Variants in SGCD observed in about 807,000 individuals in gnomAD.
SGCD encodes the protein sarcoglycan delta.
Under a neutral mutation model 36.6 loss-of-function variants are expected in SGCD, and 18 were observed. That is an observed-to-expected ratio of 0.49 (90% CI 0.34 to 0.73). SGCD has a LOEUF of 0.73. Among genes scored for constraint, SGCD ranks in the 30% least tolerant of loss-of-function variants. SGCD has a pLI of 0.01. For missense variants in SGCD, 387 were observed against 346.7 expected, an observed-to-expected ratio of 1.12 and a Z score of -0.92; for synonymous variants, 133 against 130.6, an observed-to-expected ratio of 1.02 and a Z score of -0.12.
At chr5:156,695,533 ATAGATAGATAGATAG>A (rs1561862048) in intron 7 of SGCD, among the ~76,000 whole-genome samples, 18 of 141,764 alleles carry the variant, frequency 1.3e-4, no homozygotes, top group African/African-American at 4.4e-4. Flanking sequence ...AGATAGATAG[ATAGATAGATAGATAG>A]ATAGATAGAT....
At chr5:156,616,055 T>C (rs1762008072) in intron 6 of SGCD, among the ~76,000 whole-genome samples, 1 of 152,174 alleles carries the variant, frequency 6.6e-6, no homozygotes, top group Non-Finnish European at 1.5e-5. Flanking sequence ...CCAAGAGTAG[T>C]TGGCTGCAGG....
At chr5:156,197,321 G>A (rs1053203307) in intron 3 of SGCD, among the ~76,000 whole-genome samples, 5 of 151,892 alleles carry the variant, frequency 3.3e-5, no homozygotes, top group Non-Finnish European at 5.9e-5. Flanking sequence ...CAGCCCTCAC[G>A]GATTAGTTTG....
At chr5:155,936,855 C>G (rs572742377) in intron 1 of SGCD, among the ~76,000 whole-genome samples, 1 of 152,224 alleles carries the variant, frequency 6.6e-6, no homozygotes, top group South Asian at 2.1e-4. Context: ...CTCAGTCTCC[C>G]TCCCATGCTC....
At chr5:156,620,734 G>A (rs191530398) in intron 6 of SGCD, among the ~76,000 whole-genome samples, 4 of 152,256 alleles carry the variant, frequency 2.6e-5, no homozygotes, top group Non-Finnish European at 4.4e-5. Context: ...CAGCAAATAA[G>A]CACATTTGGA....
rs1049292578 is a variant in SGCD at position 156,765,486 on chromosome 5, G to C, written c.*6096G>C. The C allele has an allele frequency of 1.3e-5, 2 of 152,120 alleles. No individual in the cohort carries two copies. Among genetic ancestry groups the C allele is most frequent in the Non-Finnish European group, 2.9e-5 (2 of 68,010 alleles). 9.4% of individuals were successfully genotyped at this position (152,120 alleles called of 1,614,324 possible). On this transcript the variant is annotated 3_prime_UTR_variant, in exon 9 of 9. Transcript: ENST00000337851. ...ACCACCCCACAAAATCTTGCAAAAC[G>C]TAAGAGATTTTCCTGGATCTGAAGC...
chr5:155,927,674 A>C (rs1240165227), intron 1 of SGCD, among the ~76,000 whole-genome samples: 1 of 152,186 alleles, frequency 6.6e-6, no homozygotes, highest in Non-Finnish European at 1.5e-5. Flanking sequence ...GGGAGTGTTT[A>C]ATATTTTGTG....
intron 3 of SGCD, among the ~76,000 whole-genome samples, chr5:156,252,550 G>A (rs1232631464): frequency 6.6e-6 from 1 of 152,088 alleles, no homozygotes; most frequent in Non-Finnish European, 1.5e-5. Context: ...ATATATGTTG[G>A]CAAATGGAAT....
intron 1 of SGCD, among the ~76,000 whole-genome samples, chr5:155,980,828 G>A (rs908565994): frequency 7.9e-5 from 12 of 152,022 alleles, no homozygotes; most frequent in African/African-American, 2.4e-4. Context: ...TCATTACCTC[G>A]GAAGGTATTA....
intron 3 of SGCD, among the ~76,000 whole-genome samples, chr5:156,211,716 T>G (rs1453820242): frequency 6.6e-6 from 1 of 152,054 alleles, no homozygotes; most frequent in Admixed American, 6.5e-5. Context: ...ATTCATAATA[T>G]TCTAATAATA....
chr5:156,472,145 C>G (rs1472998033), intron 3 of SGCD, among the ~76,000 whole-genome samples: 1 of 152,104 alleles, frequency 6.6e-6, no homozygotes, highest in African/African-American at 2.4e-5. Context: ...AACTCTCATA[C>G]CTTGTTGCTG....
intron 1 of SGCD, among the ~76,000 whole-genome samples, chr5:156,112,915 T>G (rs1177120900): frequency 2.0e-5 from 3 of 152,228 alleles, no homozygotes; most frequent in Non-Finnish European, 4.4e-5. Flanking sequence ...GGGTTAAATA[T>G]GCTTCAAAAT....
At chr5:155,784,892 TTC>T in the SGCD span, among the ~76,000 whole-genome samples, 2 of 152,240 alleles carry the variant, frequency 1.3e-5, no homozygotes, top group African/African-American at 4.8e-5. Context: ...TTTATGAGGA[TTC>T]TCTTTTTTCT....
intron 3 of SGCD, among the ~76,000 whole-genome samples, chr5:156,253,960 G>A (rs1304697746): frequency 6.6e-6 from 1 of 152,126 alleles, no homozygotes; most frequent in Non-Finnish European, 1.5e-5. Flanking sequence ...AACAGTAAAA[G>A]CCATCTTACT....
chr5:156,755,221 A>G (rs1436739267), intron 7 of SGCD, among the ~76,000 whole-genome samples: 1 of 152,178 alleles, frequency 6.6e-6, no homozygotes, highest in African/African-American at 2.4e-5. Flanking sequence ...AAGACGTGTT[A>G]ACTGAGGGAA....
intron 3 of SGCD, among the ~76,000 whole-genome samples, chr5:156,434,305 CTT>C (rs1753150081): frequency 6.6e-6 from 1 of 152,150 alleles, no homozygotes; most frequent in Non-Finnish European, 1.5e-5. Flanking sequence ...CTAAGATACA[CTT>C]TTCTGAACAG....
chr5:156,366,020 A>G (rs939024724), intron 3 of SGCD, among the ~76,000 whole-genome samples: 2 of 152,244 alleles, frequency 1.3e-5, no homozygotes, highest in Admixed American at 1.3e-4. Flanking sequence ...CATGCAACCT[A>G]GAAAATGTTC....
At chr5:156,248,644 A>G (rs1378081456) in intron 3 of SGCD, among the ~76,000 whole-genome samples, 5 of 152,204 alleles carry the variant, frequency 3.3e-5, no homozygotes, top group African/African-American at 9.6e-5. Context: ...AGGATAATGT[A>G]CAGATTTAGG....
intron 3 of SGCD, among the ~76,000 whole-genome samples, chr5:156,251,159 A>T (rs1765566466): frequency 6.6e-6 from 1 of 152,154 alleles, no homozygotes; most frequent in Non-Finnish European, 1.5e-5. Context: ...CAAATACCAC[A>T]TTTCTTTTTT....
At chr5:156,503,191 A>G (rs879759776) in intron 3 of SGCD, among the ~76,000 whole-genome samples, 1 of 152,068 alleles carries the variant, frequency 6.6e-6, no homozygotes, top group Non-Finnish European at 1.5e-5. Context: ...CACTGTTTTT[A>G]TTTGGCTGGG....
Sources: allele counts gnomAD v4.1 joint callset (sites outside exome capture counted in the v4.1 genomes callset), GRCh38; gene constraint gnomAD v4.1.1; transcripts MANE v1.5; gene names NCBI Gene and HGNC (gene_info 2026-07-23, HGNC 2026-07-21).